CCNYL1: variants seen among roughly 807,000 people sequenced by gnomAD.
CCNYL1 encodes cyclin Y like 1, also known as cyclin-Y-like protein 1.
In CCNYL1, 16 loss-of-function variants were observed where a neutral mutation model predicts 44.2. The ratio of observed to expected loss-of-function variants is 0.36; its 90% CI spans 0.25 to 0.55. The LOEUF (loss-of-function observed/expected upper bound fraction) is 0.55, where lower values mean the gene tolerates loss of function less well. CCNYL1 is among the 20% of genes least tolerant of loss of function. The pLI, the probability that CCNYL1 is intolerant of heterozygous loss-of-function variation, is 0.85. For missense variants in CCNYL1, 348 were observed against 451.8 expected (o/e 0.77, Z 2.08); for synonymous variants, 159 against 163.2 (o/e 0.97, Z 0.20).
intron 8 of CCNYL1, among the ~76,000 whole-genome samples, chr2:207,750,476 C>G (rs954699917): frequency 6.6e-5 from 10 of 152,128 alleles, no homozygotes; most frequent in African/African-American, 2.2e-4. Flanking sequence ...AGCAGTGGCT[C>G]TTGATGGATC....
chr2:207,744,615 C>T (rs1285913746), intron 7 of CCNYL1, among the ~76,000 whole-genome samples: 1 of 151,970 alleles, frequency 6.6e-6, no homozygotes, highest in Non-Finnish European at 1.5e-5. Flanking sequence ...GGTGATCCGC[C>T]TACTTCGGCA....
intron 1 of CCNYL1, among the ~76,000 whole-genome samples, chr2:207,718,503 C>CA (rs113724218): frequency 0.022 from 2,576 of 118,010 alleles, 55 homozygotes; most frequent in African/African-American, 0.063. Context: ...GAGACTGTCT[C>CA]AAAAAAAAAA....
Position 207,737,442 on chromosome 2 carries a change from A to T in CCNYL1, c.463A>T (p.Asn155Tyr). 1 of 1,610,668 alleles carries T rather than the reference A, an allele frequency of 6.2e-7. No homozygotes were observed. Among genetic ancestry groups the T allele is most frequent in the Non-Finnish European group, 8.5e-7 (1 of 1,177,932 alleles). ...VTLAIYYHIK[N>Y]RDANRSLDIF... ...CTTAGCAATATATTACCACATAAAGAACAGGTGAGCTCCTTTAAAACCTGT... is the reference window on the plus strand; with the variant it reads ...CTTAGCAATATATTACCACATAAAGTACAGGTGAGCTCCTTTAAAACCTGT... The change falls in exon 5 of 10, where the codon AAC (asparagine) becomes TAC (tyrosine). Residue 155 changes from asparagine (N) to tyrosine (Y), a missense_variant. Physicochemically the swap from Asn to Tyr is moderately radical, Grantham distance 143. Around this residue, in one of 3 missense-constraint regions of CCNYL1, gnomAD observed 209 missense variants for 247.7 expected, o/e 0.84. Transcript: ENST00000295414.
rs561752793 is a variant in CCNYL1, at chr2:207,738,366, G to A, written c.467+920G>A. 5.3e-5 allele frequency among the ~76,000 whole-genome samples: 8 copies of A among 152,082 alleles called. No individual in the cohort carries two copies. In the South Asian group the frequency reaches 6.2e-4, roughly 12 times the overall value. ...CTCCCGAGTAGGTGGGGTTACAGGC[G>A]CATGCCACCACGCCTGGCTAATTTT... On this transcript the variant is annotated intron_variant, in intron 5 of 9. Transcript: ENST00000295414.
At chr2:207,728,662 T>G (rs1459397226) in intron 3 of CCNYL1, among the ~76,000 whole-genome samples, 4 of 152,208 alleles carry the variant, frequency 2.6e-5, no homozygotes, top group Non-Finnish European at 4.4e-5. Flanking sequence ...ATGTTCTCAT[T>G]ATAGTATTCT....
At chr2:207,715,400 T>TTTTG (rs1209922972) in intron 1 of CCNYL1, among the ~76,000 whole-genome samples, 17 of 149,154 alleles carry the variant, frequency 1.1e-4, no homozygotes, top group Admixed American at 1.1e-3. Flanking sequence ...TTTTTTTTTT[T>TTTTG]TGACAGAGCT....
At chr2:207,743,630 G>A (rs2091829296) in intron 7 of CCNYL1, among the ~76,000 whole-genome samples, 1 of 152,080 alleles carries the variant, frequency 6.6e-6, no homozygotes, top group Non-Finnish European at 1.5e-5. Context: ...TCTAAAGACT[G>A]TTAGCATTTT....
At chr2:207,714,263 G>A (rs1021283004) in intron 1 of CCNYL1, 1 of 383,706 alleles carries the variant, frequency 2.6e-6, no homozygotes, top group African/African-American at 2.3e-5. Flanking sequence ...GTCTTGATTA[G>A]TTCCTTTCAA....
At chr2:207,748,832 T>C (rs529734641) in intron 8 of CCNYL1, among the ~76,000 whole-genome samples, 3 of 152,354 alleles carry the variant, frequency 2.0e-5, no homozygotes, top group South Asian at 4.1e-4. Flanking sequence ...CCTAGTGATA[T>C]TGCTGGTAGC....
At chr2:207,729,001 G>T (rs991966274) in intron 3 of CCNYL1, among the ~76,000 whole-genome samples, 1 of 152,020 alleles carries the variant, frequency 6.6e-6, no homozygotes, top group Admixed American at 6.6e-5. Context: ...ATTTTACCAT[G>T]TTGGCCAGGA....
At chr2:207,725,280 C>A (rs1332032405) in intron 2 of CCNYL1, among the ~76,000 whole-genome samples, 1 of 152,122 alleles carries the variant, frequency 6.6e-6, no homozygotes, top group Admixed American at 6.5e-5. Context: ...GCATGAGCCA[C>A]CATGTCCGGC....
intron 7 of CCNYL1, among the ~76,000 whole-genome samples, chr2:207,744,946 T>A (rs898569316): frequency 6.6e-6 from 1 of 152,146 alleles, no homozygotes; most frequent in Non-Finnish European, 1.5e-5. Flanking sequence ...AGGTATTTGG[T>A]CTCAGCAACT....
At chr2:207,725,282 A>T (rs957688500) in intron 2 of CCNYL1, among the ~76,000 whole-genome samples, 1 of 152,034 alleles carries the variant, frequency 6.6e-6, no homozygotes, top group Non-Finnish European at 1.5e-5. Flanking sequence ...ATGAGCCACC[A>T]TGTCCGGCTA....
chr2:207,731,714 G>C (rs2091727705), intron 3 of CCNYL1, among the ~76,000 whole-genome samples: 1 of 151,656 alleles, frequency 6.6e-6, no homozygotes, highest in African/African-American at 2.4e-5. Flanking sequence ...AGTCTCAAGA[G>C]ATATAGTGAT....
At position 207,712,113 on chromosome 2, in the gene CCNYL1, G is replaced by A. The variant is rs1412918601; in HGVS notation, c.217G>A (p.Glu73Lys). The A allele has an allele frequency of 5.0e-6, 8 of 1,597,848 alleles. No homozygotes were observed. Among genetic ancestry groups the A allele is most frequent in the Non-Finnish European group, 6.0e-6 (7 of 1,173,230 alleles). Residue 73 changes from glutamate (E) to lysine (K), a missense_variant, in exon 1 of 10, where the codon GAA becomes AAA. Around this residue, in one of 3 missense-constraint regions of CCNYL1, gnomAD observed 209 missense variants for 247.7 expected, o/e 0.84. Coordinates refer to ENST00000295414, the MANE Select transcript of CCNYL1 (RefSeq NM_001330218.2). ...GCACATCAGCGACCGCGAGATGCCCGAAGGTAAGGAGGCGGCGGATGCCAT... is the reference window on the plus strand; with the variant it reads ...GCACATCAGCGACCGCGAGATGCCCAAAGGTAAGGAGGCGGCGGATGCCAT... ...LQHISDREMP[E>K]DLALESNPSD...
At chr2:207,716,334 CCT>C (rs930284405) in intron 1 of CCNYL1, among the ~76,000 whole-genome samples, 1 of 143,562 alleles carries the variant, frequency 7.0e-6, no homozygotes, top group Non-Finnish European at 1.5e-5. Context: ...TATTTTAAGC[CCT>C]CTCTTTTTTT....
intron 3 of CCNYL1, among the ~76,000 whole-genome samples, chr2:207,732,749 A>C (rs921414986): frequency 1.1e-4 from 16 of 152,238 alleles, no homozygotes; most frequent in Non-Finnish European, 1.8e-4. Flanking sequence ...CTTCCCAAAT[A>C]AATGGATACT....
chr2:207,755,559 C>T lies in CCNYL1; in HGVS notation c.*1861C>T, dbSNP rs1201016144. On this transcript the variant is annotated 3_prime_UTR_variant, in exon 10 of 10. Coordinates refer to ENST00000295414, the MANE Select transcript of CCNYL1 (RefSeq NM_001330218.2). ...GCTGTGCTCTATATGCTTTGATTAC[C>T]GCAGTTTCTTTAAAGGAAGATTTTG... 1 of 152,082 alleles carries T rather than the reference C, an allele frequency of 6.6e-6. No homozygotes were observed. Among genetic ancestry groups the T allele is most frequent in the Non-Finnish European group, 1.5e-5 (1 of 68,016 alleles). The allele number at this position is 152,082 out of a possible 1,614,324, so 9.4% of individuals were successfully genotyped here. A position where few individuals can be genotyped will look rare whatever the true frequency, so the allele number is the denominator to read the frequency against.
At chr2:207,715,719 C>G (rs1362719587) in intron 1 of CCNYL1, among the ~76,000 whole-genome samples, 1 of 137,568 alleles carries the variant, frequency 7.3e-6, no homozygotes, top group Admixed American at 7.9e-5. Flanking sequence ...TCTTGTTGCT[C>G]AGGCTGGAGT....
Sources: gnomAD v4.1 joint callset for allele counts (sites outside exome capture counted in the v4.1 genomes callset) on GRCh38, gnomAD v4.1.1 for gene constraint, gnomAD v4.1.1 regional missense constraint, MANE v1.5 for transcripts, NCBI Gene and HGNC (gene_info 2026-07-23, HGNC 2026-07-21) for gene names.